RUNX1: variants seen among roughly 807,000 people sequenced by gnomAD.
RUNX1 encodes RUNX family transcription factor 1.
RUNX1 carries 19 observed loss-of-function variants against 42.8 expected under a neutral mutation model. The observed-to-expected ratio is 0.44, with a 90% confidence interval of 0.31 to 0.65. RUNX1 has a LOEUF of 0.65. RUNX1 is among the 30% of genes least tolerant of loss of function. RUNX1 has a pLI of 0.07. For missense variants in RUNX1, 528 were observed against 672.0 expected, an observed-to-expected ratio of 0.79 and a Z score of 2.37; for synonymous variants, 271 against 289.4, an observed-to-expected ratio of 0.94 and a Z score of 0.64.
intron 8 of RUNX1, among the ~76,000 whole-genome samples, chr21:34,794,393 G>A (rs931451646): frequency 7.9e-5 from 12 of 152,052 alleles, no homozygotes; most frequent in African/African-American, 2.2e-4. Context: ...TTTCATACTA[G>A]TTCCACAATT....
intron 5 of RUNX1, among the ~76,000 whole-genome samples, chr21:34,874,630 A>AAAAAAG (rs1569074700): frequency 6.8e-6 from 1 of 147,838 alleles, no homozygotes; most frequent in Non-Finnish European, 1.5e-5. Context: ...AAAAAAAAAA[A>AAAAAAG]AAAAAGACAG....
chr21:34,801,051 A>G (rs2056600463), intron 7 of RUNX1, among the ~76,000 whole-genome samples: 1 of 152,108 alleles, frequency 6.6e-6, no homozygotes, highest in Non-Finnish European at 1.5e-5. Context: ...CTAAAGGCAA[A>G]CAGAAATAGC....
intron 2 of RUNX1, among the ~76,000 whole-genome samples, chr21:34,934,507 C>T (rs907310089): frequency 1.3e-5 from 2 of 152,184 alleles, no homozygotes; most frequent in Admixed American, 1.3e-4. Flanking sequence ...CAACCTGCCA[C>T]ACAAATATTG....
At position 34,854,477 on chromosome 21, in the gene RUNX1, C is replaced by T. The variant is rs1391058709; in HGVS notation, c.613+4997G>A. 2.0e-5 allele frequency among the ~76,000 whole-genome samples: 3 copies of T among 151,622 alleles called. No individual in the cohort carries two copies. In the East Asian group the frequency reaches 5.8e-4, roughly 29 times the overall value. ...GTGGATGCCTATAATCCCAACTACT[C>T]AGGAGGCTGAGGCAGGAGACTCGCT... On this transcript the variant is annotated intron_variant, in intron 6 of 8. Transcript: ENST00000675419.
At chr21:34,937,500 A>G (rs1323884232) in intron 2 of RUNX1, among the ~76,000 whole-genome samples, 3 of 152,108 alleles carry the variant, frequency 2.0e-5, no homozygotes, top group African/African-American at 7.2e-5. Flanking sequence ...ATAATAAATT[A>G]AATAACTATC....
At chr21:34,958,648 C>T (rs2058662259) in intron 2 of RUNX1, among the ~76,000 whole-genome samples, 1 of 152,182 alleles carries the variant, frequency 6.6e-6, no homozygotes, top group Non-Finnish European at 1.5e-5. Context: ...GTGGTGATTC[C>T]TCAGGGATCT....
At chr21:34,965,521 G>A (rs974809071) in intron 2 of RUNX1, among the ~76,000 whole-genome samples, 2 of 151,214 alleles carry the variant, frequency 1.3e-5, no homozygotes, top group Non-Finnish European at 2.9e-5. Context: ...AAAAAAACAC[G>A]AAAAAGAAAA....
intron 7 of RUNX1, among the ~76,000 whole-genome samples, chr21:34,816,191 C>T (rs7280608): frequency 0.15 from 22,722 of 152,190 alleles, 4,789 homozygotes; most frequent in African/African-American, 0.47. Flanking sequence ...AAACCTAAAA[C>T]AAACAGTTTT....
chr21:34,891,595 A>G (rs984323321), intron 3 of RUNX1, among the ~76,000 whole-genome samples: 31 of 152,050 alleles, frequency 2.0e-4, no homozygotes, highest in African/African-American at 7.5e-4. Context: ...TAGCGACAAT[A>G]CAGAATTCCC....
chr21:34,855,404 C>T (rs1055464313), intron 6 of RUNX1, among the ~76,000 whole-genome samples: 1 of 151,994 alleles, frequency 6.6e-6, no homozygotes, highest in Admixed American at 6.5e-5. Flanking sequence ...ATAAAACATA[C>T]ATTAAAAAAA....
intron 8 of RUNX1, among the ~76,000 whole-genome samples, chr21:34,795,342 C>T (rs556043987): frequency 2.0e-5 from 3 of 152,120 alleles, no homozygotes; most frequent in Admixed American, 1.3e-4. Flanking sequence ...CTCTCTCTCT[C>T]GCTCGCTCTC....
intron 7 of RUNX1, among the ~76,000 whole-genome samples, chr21:34,827,395 C>T (rs73362059): frequency 0.013 from 1,944 of 152,246 alleles, 39 homozygotes; most frequent in African/African-American, 0.044. Flanking sequence ...TTGGAAAATT[C>T]GCAGCCTGGC....
intron 2 of RUNX1, among the ~76,000 whole-genome samples, chr21:35,018,478 T>G (rs923716910): frequency 1.3e-5 from 2 of 152,216 alleles, no homozygotes; most frequent in African/African-American, 4.8e-5. Context: ...AAATTTCTGT[T>G]GCTTGAGTCC....
chr21:34,988,232 G>A (rs188601459), intron 2 of RUNX1, among the ~76,000 whole-genome samples: 3 of 152,316 alleles, frequency 2.0e-5, no homozygotes, highest in African/African-American at 7.2e-5. Context: ...TGCCCCTGGG[G>A]TCAGTACGGT....
intron 6 of RUNX1, among the ~76,000 whole-genome samples, chr21:34,853,654 CTATT>C (rs2057455950): frequency 6.6e-6 from 1 of 152,248 alleles, no homozygotes; most frequent in African/African-American, 2.4e-5. Context: ...GCAAATAACA[CTATT>C]TAATGTTAGC....
intron 6 of RUNX1, among the ~76,000 whole-genome samples, chr21:34,844,165 C>T (rs1295138309): frequency 6.6e-6 from 1 of 152,180 alleles, no homozygotes; most frequent in African/African-American, 2.4e-5. Context: ...AGAGTAGCTC[C>T]TGCCCAGGGA....
At chr21:34,890,461 G>A (rs2146443038) in intron 3 of RUNX1, among the ~76,000 whole-genome samples, 1 of 152,326 alleles carries the variant, frequency 6.6e-6, no homozygotes, top group African/African-American at 2.4e-5. Context: ...TCCCCGCTGT[G>A]CGGCCCGGTC....
At chr21:34,807,815 G>A (rs912298965) in intron 7 of RUNX1, among the ~76,000 whole-genome samples, 1 of 152,214 alleles carries the variant, frequency 6.6e-6, no homozygotes, top group East Asian at 1.9e-4. Flanking sequence ...GCAGACAAAG[G>A]GGGTGACCCC....
intron 2 of RUNX1, among the ~76,000 whole-genome samples, chr21:35,026,802 C>T (rs1179607623): frequency 6.6e-6 from 1 of 152,198 alleles, no homozygotes; most frequent in African/African-American, 2.4e-5. Context: ...GGGACGCGAG[C>T]GGCCCAGACA....
Sources: allele counts gnomAD v4.1 joint callset (sites outside exome capture counted in the v4.1 genomes callset), GRCh38; gene constraint gnomAD v4.1.1; transcripts MANE v1.5; gene names NCBI Gene and HGNC (gene_info 2026-07-23, HGNC 2026-07-21).